PRKACA: variants seen among roughly 807,000 people sequenced by gnomAD.
PRKACA encodes protein kinase cAMP-activated catalytic subunit alpha.
A neutral mutation model predicts 45.8 loss-of-function variants in PRKACA; 9 were observed. The observed-to-expected ratio is 0.20, with a 90% confidence interval of 0.12 to 0.34. The LOEUF is 0.34. PRKACA is among the 10% of genes least tolerant of loss of function. PRKACA has a pLI of 1.00. For synonymous variants in PRKACA, 160 were observed against 178.6 expected (o/e 0.90, Z 0.83); for missense variants, 238 against 458.6 (o/e 0.52, Z 4.39).
chr19:14,099,761 G>T (rs952927406), intron 5 of PRKACA, among the ~76,000 whole-genome samples: 2 of 151,366 alleles, frequency 1.3e-5, no homozygotes, highest in Non-Finnish European at 2.9e-5. Context: ...TCTGTATATA[G>T]ATTTATTTTA....
At chr19:14,102,469 A>G (rs1977473836) in intron 4 of PRKACA, among the ~76,000 whole-genome samples, 1 of 152,190 alleles carries the variant, frequency 6.6e-6, no homozygotes, top group Non-Finnish European at 1.5e-5. Flanking sequence ...CCGGGGCCAC[A>G]CATCAAGAAG....
chr19:14,107,202 G>C, intron 2 of PRKACA, 146 bp downstream of exon 2: 2 of 894,850 alleles, frequency 2.2e-6, no homozygotes, highest in South Asian at 3.2e-5. Flanking sequence ...CCACACAGGA[G>C]CCCCCATGGG....
At chr19:14,107,735 G>T in intron 1 of PRKACA, 1 of 1,094,658 alleles carries the variant, frequency 9.1e-7, no homozygotes, top group Non-Finnish European at 1.1e-6. Context: ...CAGGGCCGAC[G>T]CCAGCCGAGG....
intron 4 of PRKACA, among the ~76,000 whole-genome samples, chr19:14,102,017 A>G (rs1008929759): frequency 2.6e-5 from 4 of 151,222 alleles, no homozygotes; most frequent in African/African-American, 7.3e-5. Context: ...TACAAACATA[A>G]GCTGGGCATG....
chr19:14,100,655 T>C (rs748926521), intron 5 of PRKACA, among the ~76,000 whole-genome samples, 171 bp downstream of exon 5: 2 of 152,164 alleles, frequency 1.3e-5, no homozygotes, highest in Non-Finnish European at 2.9e-5. Context: ...TTTGTGGTGG[T>C]TGAAATATCA....
chr19:14,114,176 G>T (rs1401507603), intron 1 of PRKACA: 4 of 1,609,446 alleles, frequency 2.5e-6, no homozygotes, highest in Non-Finnish European at 3.4e-6. Flanking sequence ...TGTTCTCAGG[G>T]CACCGGCACT....
Position 14,106,772 on chromosome 19 carries a change from G to T in PRKACA, c.225C>A (p.Leu75=). Residue 75 remains leucine, a synonymous_variant, in exon 3 of 10, where the codon CTC becomes CTA. Transcript: ENST00000308677. ...CAGGCCACCTCACCTTCTGTTTGTC[G>T]AGGATCTTCATGGCATAGTGGTTCC... ...ETGNHYAMKI[L]DKQKVVKLKQ... 6.2e-7 allele frequency: 1 copy of T among 1,614,200 alleles called. No homozygotes were observed. Among genetic ancestry groups the T allele is most frequent in the Non-Finnish European group, 8.5e-7 (1 of 1,180,016 alleles).
chr19:14,116,363 C>T (rs1426797317), intron 1 of PRKACA, among the ~76,000 whole-genome samples: 3 of 152,190 alleles, frequency 2.0e-5, no homozygotes, highest in Non-Finnish European at 2.9e-5. Flanking sequence ...AAACAGGTCT[C>T]TCTCTGGCTG....
intron 8 of PRKACA, among the ~76,000 whole-genome samples, chr19:14,094,884 A>G (rs978159049): frequency 2.6e-5 from 4 of 152,234 alleles, no homozygotes; most frequent in African/African-American, 4.8e-5. Flanking sequence ...CACGCCTTGT[A>G]TGCAAGTCAT....
chr19:14,098,745 C>T (rs1476472888), intron 5 of PRKACA, among the ~76,000 whole-genome samples: 4 of 149,372 alleles, frequency 2.7e-5, no homozygotes, highest in South Asian at 4.3e-4. Flanking sequence ...TCGCCCGCCT[C>T]GGCCTCCCAA....
At chr19:14,106,996 C>G (rs1006008736) in intron 2 of PRKACA, 108 bp from the exon 3 acceptor site, 1 of 1,443,712 alleles carries the variant, frequency 6.9e-7, no homozygotes, top group Non-Finnish European at 9.4e-7. Context: ...CCGGGGAGCA[C>G]GTGGGGTCAG....
intron 5 of PRKACA, 79 bp downstream of exon 5, chr19:14,100,747 C>A (rs929061965): frequency 7.0e-7 from 1 of 1,421,122 alleles, no homozygotes; most frequent in African/African-American, 1.4e-5. Flanking sequence ...GACTCCTCTG[C>A]ATTCCCAGGG....
intron 4 of PRKACA, 77 bp downstream of exon 4, chr19:14,102,739 C>A: frequency 7.8e-7 from 1 of 1,281,664 alleles, no homozygotes; most frequent in Non-Finnish European, 1.1e-6. Flanking sequence ...TTGTCCTCAG[C>A]TCCGACCCCA....
chr19:14,114,702 T>G (rs528684994), intron 1 of PRKACA, among the ~76,000 whole-genome samples: 1 of 152,284 alleles, frequency 6.6e-6, no homozygotes, highest in South Asian at 2.1e-4. Context: ...TTCTTCCAAC[T>G]TGGCCAGAGC....
rs543432208 is a variant in PRKACA, at chr19:14,103,510, T to A, written c.238-596A>T. On this transcript the variant is annotated intron_variant, in intron 3 of 9. Transcript: ENST00000308677. ...AGGCCCATGCTGGGAGTACGCCAGT[T>A]TGGAAGACCAGACACAGAGGGGAGG... Among the ~76,000 whole-genome samples the A allele has an allele frequency of 2.0e-4, 31 of 152,232 alleles. No homozygotes were observed. In the South Asian group the frequency reaches 6.4e-3, roughly 32 times the overall value.
intron 1 of PRKACA, among the ~76,000 whole-genome samples, chr19:14,111,352 G>A (rs1394060436): frequency 1.3e-5 from 2 of 151,822 alleles, no homozygotes; most frequent in South Asian, 4.1e-4. Context: ...GGCTCAGATC[G>A]CGCCATTGCA....
At chr19:14,101,754 G>A (rs1977450376) in intron 4 of PRKACA, among the ~76,000 whole-genome samples, 2 of 150,776 alleles carry the variant, frequency 1.3e-5, no homozygotes, top group Non-Finnish European at 3.0e-5. Context: ...CCAGCTACTC[G>A]GGAGGCTGAG....
intron 8 of PRKACA, among the ~76,000 whole-genome samples, chr19:14,094,299 C>T (rs1977183693): frequency 6.6e-6 from 1 of 151,918 alleles, no homozygotes; most frequent in Admixed American, 6.6e-5. Flanking sequence ...AGGAATTCTC[C>T]TGTCTCAGCC....
intron 5 of PRKACA, among the ~76,000 whole-genome samples, chr19:14,099,968 G>A (rs1977394642): frequency 6.6e-6 from 1 of 152,050 alleles, no homozygotes; most frequent in African/African-American, 2.4e-5. Context: ...AGCCTCCCGA[G>A]TAGCTGGGAC....
Sources: allele counts gnomAD v4.1 joint callset (sites outside exome capture counted in the v4.1 genomes callset), GRCh38; gene constraint gnomAD v4.1.1; transcripts MANE v1.5; gene names NCBI Gene and HGNC (gene_info 2026-07-23, HGNC 2026-07-21).